The following CDH18 variants were observed in gnomAD, a reference collection of about 807,000 sequenced individuals.
CDH18 encodes the protein cadherin-18.
Under a neutral mutation model 67.9 loss-of-function variants are expected in CDH18, and 31 were observed. That is an observed-to-expected ratio of 0.46 (90% confidence interval 0.34 to 0.62). The LOEUF is 0.62. Among genes scored for constraint, CDH18 ranks in the 20% least tolerant of loss-of-function variants. CDH18 has a pLI of 0.01. For missense variants in CDH18, 890 were observed against 975.5 expected (o/e 0.91, Z 1.17); for synonymous variants, 362 against 347.2 (o/e 1.04, Z -0.48).
chr5:20,248,282 T>C (rs1487127005), intron 2 of CDH18, among the ~76,000 whole-genome samples: 1 of 152,206 alleles, frequency 6.6e-6, no homozygotes, highest in Non-Finnish European at 1.5e-5. Flanking sequence ...ATGCTTGACT[T>C]TAAGCAACAT....
intron 1 of CDH18, among the ~76,000 whole-genome samples, chr5:20,290,554 C>T (rs1182766047): frequency 6.6e-6 from 1 of 152,058 alleles, no homozygotes; most frequent in Admixed American, 6.6e-5. Context: ...TACAGGTTCC[C>T]AAATTAAAAT....
chr5:19,842,407 C>T (rs57307264), intron 2 of CDH18, among the ~76,000 whole-genome samples: 43,926 of 152,030 alleles, frequency 0.29, 7,709 homozygotes, highest in Non-Finnish European at 0.38. Context: ...CAAGATCTGA[C>T]GGTTTTATAA....
Position 20,216,086 on chromosome 5 carries a change from A to G in CDH18, c.-518+39358T>C, listed in dbSNP as rs566022081. Among the ~76,000 whole-genome samples the G allele has an allele frequency of 2.6e-5, 4 of 152,106 alleles. No individual in the cohort carries two copies. The East Asian group carries it at 7.7e-4, about 29-fold the overall frequency. On this transcript the variant is annotated intron_variant, in intron 2 of 14. Transcript: ENST00000507958. ...TAATAAACCCCCATGACACTGTTTG[A>G]CAATATAACAAGCTTGCATATGTAC...
chr5:19,731,291 T>C (rs1370069576), intron 4 of CDH18, among the ~76,000 whole-genome samples: 3 of 151,738 alleles, frequency 2.0e-5, no homozygotes, highest in Non-Finnish European at 1.5e-5. Flanking sequence ...CTACTAAAAA[T>C]ACAAAAAAAA....
intron 1 of CDH18, among the ~76,000 whole-genome samples, chr5:20,409,424 G>A (rs537932802): frequency 4.0e-5 from 6 of 151,504 alleles, no homozygotes; most frequent in Non-Finnish European, 4.4e-5. Context: ...CAACCAGGAG[G>A]TCAAAAAAGA....
chr5:19,976,185 T>G (rs1798480720), intron 2 of CDH18, among the ~76,000 whole-genome samples: 1 of 152,192 alleles, frequency 6.6e-6, no homozygotes, highest in South Asian at 2.1e-4. Context: ...TTAATTAAAC[T>G]TCCATAAATT....
chr5:19,699,642 C>CTGTGTGTGTGTGTG (rs70950085), intron 5 of CDH18, among the ~76,000 whole-genome samples: 1 of 144,398 alleles, frequency 6.9e-6, no homozygotes, highest in Non-Finnish European at 1.5e-5. Context: ...GTGTGTGTGT[C>CTGTGTGTGTGTGTG]TGTGTGTGTG....
At chr5:19,780,099 G>T (rs1774922910) in intron 3 of CDH18, among the ~76,000 whole-genome samples, 1 of 152,004 alleles carries the variant, frequency 6.6e-6, no homozygotes, top group African/African-American at 2.4e-5. Context: ...TTAGAATAGG[G>T]CAGTATCTGT....
At chr5:20,278,507 TA>T (rs1317905496) in intron 1 of CDH18, among the ~76,000 whole-genome samples, 3 of 152,028 alleles carry the variant, frequency 2.0e-5, no homozygotes, top group East Asian at 1.9e-4. Flanking sequence ...CAAAAAATGC[TA>T]AAGGGAGTTC....
rs936836922 is a variant in CDH18, at chr5:19,983,603, G to A, written c.-375-2425C>T. On this transcript the variant is annotated intron_variant, in intron 1 of 12. Coordinates refer to ENST00000382275, the MANE Select transcript of CDH18 (RefSeq NM_004934.5). ...CCTACCAAGAAATTTCTAAATTTAT[G>A]TGGCTCAACAATGTAGAAATTTATA... 7.9e-5 allele frequency among the ~76,000 whole-genome samples: 12 copies of A among 152,222 alleles called. No individual in the cohort carries two copies. In the South Asian group the frequency reaches 1.9e-3, roughly 24 times the overall value.
chr5:20,305,063 T>C, intron 1 of CDH18: 1 of 1,599,934 alleles, frequency 6.3e-7, no homozygotes, highest in Non-Finnish European at 8.6e-7. Context: ...GTTTTGGGAT[T>C]TGAAACTTTT....
At chr5:20,252,686 C>G (rs1005541048) in intron 2 of CDH18, among the ~76,000 whole-genome samples, 1 of 151,744 alleles carries the variant, frequency 6.6e-6, no homozygotes, top group African/African-American at 2.4e-5. Context: ...ACCTGTAATC[C>G]CAACACTTTA....
chr5:19,480,202 C>G (rs1739166395), intron 12 of CDH18, among the ~76,000 whole-genome samples: 1 of 152,074 alleles, frequency 6.6e-6, no homozygotes, highest in Non-Finnish European at 1.5e-5. Context: ...TCAGTTAGGA[C>G]TCTAGAGAGA....
intron 3 of CDH18, among the ~76,000 whole-genome samples, chr5:19,817,116 A>C (rs1393775367): frequency 6.6e-6 from 1 of 151,948 alleles, no homozygotes; most frequent in African/African-American, 2.4e-5. Context: ...AAAATTGGAA[A>C]ACATCATCAA....
chr5:19,952,577 C>G (rs543207552), intron 2 of CDH18, among the ~76,000 whole-genome samples: 22 of 152,060 alleles, frequency 1.4e-4, no homozygotes, highest in Non-Finnish European at 2.1e-4. Context: ...CATAAAATCT[C>G]TTTGGTTTAT....
At chr5:20,315,695 A>G (rs1737400465) in intron 1 of CDH18, among the ~76,000 whole-genome samples, 1 of 152,102 alleles carries the variant, frequency 6.6e-6, no homozygotes, top group Non-Finnish European at 1.5e-5. Flanking sequence ...CTGTGCTTCT[A>G]ACACTCATCC....
intron 2 of CDH18, among the ~76,000 whole-genome samples, chr5:19,893,584 TTCTC>T (rs1010164701): frequency 2.0e-5 from 3 of 151,940 alleles, no homozygotes; most frequent in Middle Eastern, 3.4e-3. Flanking sequence ...TTCTCTCTCT[TTCTC>T]TCTCTCTCTC....
At chr5:19,976,751 T>G (rs970727913) in intron 2 of CDH18, among the ~76,000 whole-genome samples, 1 of 151,882 alleles carries the variant, frequency 6.6e-6, no homozygotes, top group Non-Finnish European at 1.5e-5. Flanking sequence ...ACCTACAAAT[T>G]TCAAAGGATA....
chr5:20,497,726 A>C (rs1169565782), intron 1 of CDH18, among the ~76,000 whole-genome samples: 1 of 152,170 alleles, frequency 6.6e-6, no homozygotes, highest in East Asian at 1.9e-4. Context: ...TGCATGAAAA[A>C]TAAAAGAGAC....
Sources: gnomAD v4.1 joint callset for allele counts (sites outside exome capture counted in the v4.1 genomes callset) on GRCh38, gnomAD v4.1.1 for gene constraint, MANE v1.5 for transcripts, NCBI Gene and HGNC (gene_info 2026-07-23, HGNC 2026-07-21) for gene names.